Variants in ITGA2 observed in about 807,000 individuals in gnomAD.
ITGA2 encodes integrin subunit alpha 2, also known as integrin alpha-2.
Under a neutral mutation model 146.3 loss-of-function variants are expected in ITGA2, and 101 were observed. The ratio of observed to expected loss-of-function variants is 0.69; its 90% CI spans 0.59 to 0.81. The LOEUF (loss-of-function observed/expected upper bound fraction) is 0.81. Among genes scored for constraint, ITGA2 ranks in the 40% least tolerant of loss-of-function variants. ITGA2 has a pLI of 0.00. For missense variants in ITGA2, 1,281 were observed against 1,402.7 expected (o/e 0.91, Z 1.39); for synonymous variants, 477 against 487.1 (o/e 0.98, Z 0.27).
At chr5:53,019,482 A>G (rs920797236) in intron 1 of ITGA2, among the ~76,000 whole-genome samples, 1 of 152,118 alleles carries the variant, frequency 6.6e-6, no homozygotes, top group African/African-American at 2.4e-5. Context: ...CATCTTGGTT[A>G]TCAGATCAAC....
At chr5:53,004,288 C>A (rs1457617568) in intron 1 of ITGA2, among the ~76,000 whole-genome samples, 1 of 152,086 alleles carries the variant, frequency 6.6e-6, no homozygotes, top group Non-Finnish European at 1.5e-5. Context: ...TAAGTTAAAT[C>A]CCATCATTTT....
chr5:53,031,461 T>C (rs1743221228), intron 2 of ITGA2, among the ~76,000 whole-genome samples: 1 of 152,230 alleles, frequency 6.6e-6, no homozygotes, highest in African/African-American at 2.4e-5. Flanking sequence ...CTGAAGGCTC[T>C]AGTCTGAGTA....
In ITGA2 at chr5:53,094,408, G is replaced by A. The variant is rs1233215296; in HGVS notation, c.*3809G>A. On this transcript the variant is annotated 3_prime_UTR_variant, in exon 30 of 30. Transcript: ENST00000296585. ...ATTTTGGCAGATTAAGTCAAAATATGAATGTATATATTGCATAACTATGTT... is the reference window on the plus strand; with the variant it reads ...ATTTTGGCAGATTAAGTCAAAATATAAATGTATATATTGCATAACTATGTT... 6.6e-6 allele frequency: 1 copy of A among 152,128 alleles called. No homozygotes were observed. The highest frequency in any genetic ancestry group is 2.4e-5 in the African/African-American group (1 of 41,434). 9.4% of individuals were successfully genotyped at this position (152,128 alleles called of 1,614,324 possible). A position where few individuals can be genotyped will look rare whatever the true frequency, so the allele number is the denominator to read the frequency against.
chr5:53,060,051 C>A lies in ITGA2; in HGVS notation c.1312+39C>A, dbSNP rs1462078573. On this transcript the variant is annotated intron_variant, in intron 11 of 29. Coordinates refer to ENST00000296585, the MANE Select transcript of ITGA2 (RefSeq NM_002203.4). Reference sequence around the variant, plus strand: ...ATAATTGGCTCAGCAAACTTAAGTTCCCTTGCTTTAAACCAGCTCTTTGTT... The same window carrying A: ...ATAATTGGCTCAGCAAACTTAAGTTACCTTGCTTTAAACCAGCTCTTTGTT... 1.9e-6 allele frequency: 3 copies of A among 1,606,236 alleles called. No individual in the cohort carries two copies. In the African/African-American group the frequency reaches 4.0e-5, roughly 22 times the overall value.
chr5:53,055,819 C>G, intron 8 of ITGA2, 131 bp downstream of exon 8: 1 of 1,282,138 alleles, frequency 7.8e-7, no homozygotes, highest in Non-Finnish European at 1.1e-6. Context: ...TACTCTATCT[C>G]TGCTTCTTGA....
intron 1 of ITGA2, among the ~76,000 whole-genome samples, chr5:53,005,354 G>A (rs925235282): frequency 6.6e-6 from 1 of 151,968 alleles, no homozygotes; most frequent in African/African-American, 2.4e-5. Context: ...GGGCCAGGTG[G>A]GCAGATCACT....
At chr5:53,012,242 C>T (rs1018206280) in intron 1 of ITGA2, among the ~76,000 whole-genome samples, 15 of 152,062 alleles carry the variant, frequency 9.9e-5, no homozygotes, top group Non-Finnish European at 1.9e-4. Context: ...TTTGTGGATG[C>T]ATTTGGATTT....
intron 2 of ITGA2, among the ~76,000 whole-genome samples, chr5:53,035,150 G>T (rs1743426617): frequency 6.6e-6 from 1 of 152,146 alleles, no homozygotes; most frequent in South Asian, 2.1e-4. Context: ...CTAGTTGAAA[G>T]GTACTAGCTC....
intron 4 of ITGA2, among the ~76,000 whole-genome samples, chr5:53,046,193 TCAAA>T (rs1561118938): frequency 2.4e-5 from 1 of 42,352 alleles, no homozygotes. Context: ...AGACTCTGTC[TCAAA>T]AAAAAAAAAA....
At chr5:53,005,312 G>A (rs1741784278) in intron 1 of ITGA2, among the ~76,000 whole-genome samples, 1 of 152,044 alleles carries the variant, frequency 6.6e-6, no homozygotes, top group Admixed American at 6.6e-5. Flanking sequence ...AATTTGCTCA[G>A]GATATACTTT....
chr5:52,992,901 A>C (rs1741047071), intron 1 of ITGA2, among the ~76,000 whole-genome samples: 1 of 152,104 alleles, frequency 6.6e-6, no homozygotes, highest in Non-Finnish European at 1.5e-5. Context: ...ACATTCACAC[A>C]CACACACCAC....
In ITGA2 at chr5:53,034,561, T is replaced by C. The variant is rs550604339; in HGVS notation, c.186-7551T>C. ...TTGTGACTTGCACGTGGGAGAGATATGTTGCTCCAGAATGTCTGCTGTGCT... is the reference window on the plus strand; with the variant it reads ...TTGTGACTTGCACGTGGGAGAGATACGTTGCTCCAGAATGTCTGCTGTGCT... On this transcript the variant is annotated intron_variant, in intron 2 of 29. Transcript: ENST00000296585. Among the ~76,000 whole-genome samples the C allele has an allele frequency of 2.0e-5, 3 of 152,216 alleles. No individual in the cohort carries two copies. In the East Asian group the frequency reaches 5.8e-4, roughly 29 times the overall value.
chr5:53,044,880 C>A (rs1035021574), intron 3 of ITGA2, 121 bp from the exon 4 acceptor site: 2 of 723,946 alleles, frequency 2.8e-6, no homozygotes, highest in East Asian at 5.4e-5. Flanking sequence ...ACTCAAGTAC[C>A]TATATTGATG....
intron 1 of ITGA2, among the ~76,000 whole-genome samples, chr5:53,018,303 G>C (rs140982288): frequency 3.3e-5 from 5 of 152,224 alleles, no homozygotes; most frequent in Admixed American, 3.3e-4. Flanking sequence ...GTCTGCCTTT[G>C]CCACCTCTCT....
intron 1 of ITGA2, among the ~76,000 whole-genome samples, chr5:53,007,501 C>G (rs534676849): frequency 6.7e-6 from 1 of 149,550 alleles, no homozygotes; most frequent in South Asian, 2.1e-4. Flanking sequence ...GAGAGAGAAA[C>G]GGGGAGAGAG....
chr5:53,045,866 G>A (rs181577135), intron 4 of ITGA2, among the ~76,000 whole-genome samples: 7 of 151,630 alleles, frequency 4.6e-5, no homozygotes, highest in Non-Finnish European at 8.8e-5. Flanking sequence ...ACTCATATAG[G>A]TATGTGTATG....
intron 2 of ITGA2, among the ~76,000 whole-genome samples, chr5:53,038,430 G>A (rs1561111366): frequency 1.3e-5 from 2 of 152,092 alleles, no homozygotes; most frequent in East Asian, 1.9e-4. Flanking sequence ...CTGCCATTGA[G>A]AACAGTGTAG....
chr5:53,033,137 C>T (rs1743313666), intron 2 of ITGA2, among the ~76,000 whole-genome samples: 1 of 152,076 alleles, frequency 6.6e-6, no homozygotes, highest in Non-Finnish European at 1.5e-5. Context: ...GGCGTGGTGG[C>T]AGGCACCTGT....
chr5:53,071,888 A>G, intron 17 of ITGA2, 50 bp from the exon 18 acceptor site: 1 of 1,347,060 alleles, frequency 7.4e-7, no homozygotes, highest in Non-Finnish European at 1.1e-6. Flanking sequence ...GCTATGCTCT[A>G]ATAAACTGAC....
Sources: gnomAD v4.1 joint callset for allele counts (sites outside exome capture counted in the v4.1 genomes callset) on GRCh38, gnomAD v4.1.1 for gene constraint, MANE v1.5 for transcripts, NCBI Gene and HGNC (gene_info 2026-07-23, HGNC 2026-07-21) for gene names.